Variants in DLG2 observed in about 807,000 individuals in gnomAD.
DLG2 encodes discs large MAGUK scaffold protein 2.
DLG2 carries 45 observed loss-of-function variants against 132.5 expected under a neutral mutation model. The observed-to-expected ratio is 0.34, with a 90% CI of 0.27 to 0.44. DLG2 has a LOEUF of 0.44. Among genes scored for constraint, DLG2 ranks in the 20% least tolerant of loss-of-function variants. The pLI is 1.00. For missense variants in DLG2, 1,045 were observed against 1,196.9 expected (o/e 0.87, Z 1.87); for synonymous variants, 424 against 419.6 (o/e 1.01, Z -0.13).
chr11:83,713,909 C>T (rs11233730), intron 18 of DLG2, among the ~76,000 whole-genome samples: 32,856 of 152,076 alleles, frequency 0.22, 3,884 homozygotes, highest in African/African-American at 0.29. Flanking sequence ...TGGCTAGGAA[C>T]ACAGATGTCT....
chr11:84,535,706 G>C (rs936362062), intron 6 of DLG2, among the ~76,000 whole-genome samples: 2 of 152,080 alleles, frequency 1.3e-5, no homozygotes, highest in African/African-American at 4.8e-5. Context: ...TGTCCCTTTA[G>C]AGTTCCATTG....
At chr11:84,948,844 A>G (rs1345260901) in intron 6 of DLG2, among the ~76,000 whole-genome samples, 1 of 152,202 alleles carries the variant, frequency 6.6e-6, no homozygotes, top group African/African-American at 2.4e-5. Flanking sequence ...CATGTGTAAA[A>G]TAAGAAAAAT....
chr11:83,827,386 G>A (rs2040313), intron 17 of DLG2, among the ~76,000 whole-genome samples: 68,761 of 151,898 alleles, frequency 0.45, 15,755 homozygotes, highest in Middle Eastern at 0.63. Flanking sequence ...TTCTAAACAT[G>A]AAGATAACCT....
chr11:83,716,899 G>C (rs916460023), intron 18 of DLG2, among the ~76,000 whole-genome samples: 5 of 152,128 alleles, frequency 3.3e-5, no homozygotes, highest in African/African-American at 1.2e-4. Flanking sequence ...AATTGCGTAG[G>C]CATGAAAAAA....
intron 11 of DLG2, among the ~76,000 whole-genome samples, chr11:84,050,431 T>C (rs977200827): frequency 2.6e-5 from 4 of 152,010 alleles, no homozygotes; most frequent in African/African-American, 9.7e-5. Context: ...TTTTGTCAGA[T>C]GAGTAGATTG....
At chr11:83,949,413 A>C (rs76448597) in intron 14 of DLG2, among the ~76,000 whole-genome samples, 2,027 of 152,240 alleles carry the variant, frequency 0.013, 45 homozygotes, top group African/African-American at 0.047. Flanking sequence ...AATAAAAAAT[A>C]AGAATTGTTG....
intron 6 of DLG2, among the ~76,000 whole-genome samples, chr11:84,620,410 T>C (rs1370477865): frequency 6.6e-6 from 1 of 151,904 alleles, no homozygotes; most frequent in Non-Finnish European, 1.5e-5. Context: ...ATGTGTCAAC[T>C]ATAAAGAAAG....
At chr11:83,498,679 A>AAAAAAAAAAC (rs1241151366) in intron 21 of DLG2, among the ~76,000 whole-genome samples, 1 of 151,550 alleles carries the variant, frequency 6.6e-6, no homozygotes, top group Non-Finnish European at 1.5e-5. Flanking sequence ...CAAGGAGAAA[A>AAAAAAAAAAC]AAAAAAACAA....
At position 84,801,515 on chromosome 11, in the gene DLG2, T is replaced by A. The variant is rs576117024; in HGVS notation, c.358-266784A>T. 1.1e-4 allele frequency among the ~76,000 whole-genome samples: 17 copies of A among 152,230 alleles called. No homozygotes were observed. The East Asian group carries it at 2.9e-3, about 26-fold the overall frequency. Reference sequence around the variant, plus strand: ...GAAGGGCGCTTGCAGTGAGCGGAGATGCACCACTGCACTCCACCCTGGGAG... The same window carrying A: ...GAAGGGCGCTTGCAGTGAGCGGAGAAGCACCACTGCACTCCACCCTGGGAG... On this transcript the variant is annotated intron_variant, in intron 6 of 27. Coordinates refer to ENST00000376104, the MANE Select transcript of DLG2 (RefSeq NM_001142699.3).
At chr11:85,324,780 G>T (rs532014081) in intron 3 of DLG2, among the ~76,000 whole-genome samples, 2 of 152,096 alleles carry the variant, frequency 1.3e-5, no homozygotes, top group Admixed American at 1.3e-4. Context: ...CAAGATGGCC[G>T]AATAGGAACA....
intron 18 of DLG2, among the ~76,000 whole-genome samples, chr11:83,675,551 T>C (rs1425814379): frequency 6.6e-6 from 1 of 152,228 alleles, no homozygotes; most frequent in Non-Finnish European, 1.5e-5. Flanking sequence ...CCTGGTAACA[T>C]ATATTTTAAA....
chr11:85,217,910 T>A (rs961904793), intron 4 of DLG2, among the ~76,000 whole-genome samples: 2 of 152,222 alleles, frequency 1.3e-5, no homozygotes, highest in African/African-American at 4.8e-5. Flanking sequence ...TTACTTTTTT[T>A]TGAAGGCTTA....
At chr11:83,800,754 A>G (rs889610547) in intron 17 of DLG2, among the ~76,000 whole-genome samples, 1 of 152,214 alleles carries the variant, frequency 6.6e-6, no homozygotes. Context: ...TGAAAATAAT[A>G]AAGTATAACT....
chr11:84,469,287 T>G (rs1232784145), intron 7 of DLG2, among the ~76,000 whole-genome samples: 1 of 151,610 alleles, frequency 6.6e-6, no homozygotes, highest in Admixed American at 6.6e-5. Flanking sequence ...TAAGTCACTA[T>G]ATGAAATGCC....
chr11:85,330,574 C>T (rs2081629227), intron 3 of DLG2, among the ~76,000 whole-genome samples: 1 of 104,776 alleles, frequency 9.5e-6, no homozygotes, highest in African/African-American at 3.7e-5. Flanking sequence ...GGGAACTGAA[C>T]AATGAGATCA....
At chr11:83,850,641 G>A (rs993470979) in intron 16 of DLG2, among the ~76,000 whole-genome samples, 2 of 152,174 alleles carry the variant, frequency 1.3e-5, no homozygotes, top group African/African-American at 4.8e-5. Context: ...GAGACATGAA[G>A]GCAGAGGCCA....
chr11:84,475,397 G>T (rs1296651075), intron 7 of DLG2, among the ~76,000 whole-genome samples: 1 of 152,080 alleles, frequency 6.6e-6, no homozygotes, highest in Non-Finnish European at 1.5e-5. Flanking sequence ...TACCTACTGT[G>T]ACACTGGCCA....
At chr11:84,183,739 C>A (rs1346860915) in intron 8 of DLG2, among the ~76,000 whole-genome samples, 1 of 152,092 alleles carries the variant, frequency 6.6e-6, no homozygotes, top group Non-Finnish European at 1.5e-5. Flanking sequence ...CCTCACCCCA[C>A]AACAGGCCCC....
chr11:85,254,915 C>T (rs774030254), intron 4 of DLG2, among the ~76,000 whole-genome samples: 53 of 151,452 alleles, frequency 3.5e-4, no homozygotes, highest in Admixed American at 1.4e-3. Context: ...AGTAGAATGG[C>T]GTGAACCCAG....
Sources: allele counts gnomAD v4.1 joint callset (sites outside exome capture counted in the v4.1 genomes callset), GRCh38; gene constraint gnomAD v4.1.1; transcripts MANE v1.5; gene names NCBI Gene and HGNC (gene_info 2026-07-23, HGNC 2026-07-21).